The following RAC1 variants were observed in gnomAD, a reference collection of about 807,000 sequenced individuals.
The protein encoded by RAC1 is ras-related C3 botulinum toxin substrate 1.
RAC1 carries 2 observed loss-of-function variants against 25.2 expected under a neutral mutation model. That is an observed-to-expected ratio of 0.08 (90% confidence interval 0.03 to 0.25). The LOEUF (loss-of-function observed/expected upper bound fraction) is 0.25. RAC1 is among the 10% of genes least tolerant of loss of function. RAC1 has a pLI of 1.00. For missense variants in RAC1, 50 were observed against 235.7 expected, an observed-to-expected ratio of 0.21 and a Z score of 5.16; for synonymous variants, 88 against 94.0, an observed-to-expected ratio of 0.94 and a Z score of 0.37.
At chr7:6,377,077 AC>A (rs1280422172) in intron 1 of RAC1, among the ~76,000 whole-genome samples, 1 of 151,772 alleles carries the variant, frequency 6.6e-6, no homozygotes, top group Non-Finnish European at 1.5e-5. Flanking sequence ...GTTATTAACT[AC>A]CTCGCAGGTG....
intron 1 of RAC1, among the ~76,000 whole-genome samples, chr7:6,377,088 GCCCCT>G (rs1285919641): frequency 1.3e-5 from 2 of 151,972 alleles, no homozygotes; most frequent in Non-Finnish European, 2.9e-5. Context: ...CCTCGCAGGT[GCCCCT>G]TGCTGAATGC....
chr7:6,376,693 AT>A (rs1583255507), intron 1 of RAC1, among the ~76,000 whole-genome samples: 1 of 65,750 alleles, frequency 1.5e-5, no homozygotes. Flanking sequence ...TTTTTTTTGT[AT>A]TTTTTTGGTG....
At chr7:6,388,936 C>A (rs1183373810) in intron 2 of RAC1, among the ~76,000 whole-genome samples, 1 of 152,058 alleles carries the variant, frequency 6.6e-6, no homozygotes, top group Non-Finnish European at 1.5e-5. Flanking sequence ...CGTGATTGCT[C>A]ACGCCTGTAA....
chr7:6,397,788 G>A (rs1296022778), intron 3 of RAC1, among the ~76,000 whole-genome samples: 1 of 152,154 alleles, frequency 6.6e-6, no homozygotes, highest in African/African-American at 2.4e-5. Flanking sequence ...AAGAGTTTGA[G>A]ACCAGCCTGG....
chr7:6,395,187 A>G (rs185861727), intron 3 of RAC1, among the ~76,000 whole-genome samples: 2 of 152,190 alleles, frequency 1.3e-5, no homozygotes, highest in Admixed American at 1.3e-4. Flanking sequence ...GCTGGTCTCC[A>G]ACTCCTGACC....
At chr7:6,388,249 T>G (rs1318431349) in intron 2 of RAC1, among the ~76,000 whole-genome samples, 3 of 151,142 alleles carry the variant, frequency 2.0e-5, no homozygotes, top group Non-Finnish European at 4.4e-5. Flanking sequence ...AGGTGTCGCC[T>G]CCTCCCCACC....
chr7:6,379,665 C>T (rs919483905), intron 1 of RAC1, among the ~76,000 whole-genome samples: 24 of 152,360 alleles, frequency 1.6e-4, no homozygotes, highest in African/African-American at 5.8e-4. Flanking sequence ...CCGCCTTGGC[C>T]TCCCAAAGTG....
At chr7:6,374,835 G>T in intron 1 of RAC1, 65 bp downstream of exon 1, 1 of 1,056,666 alleles carries the variant, frequency 9.5e-7, no homozygotes, top group South Asian at 4.4e-5. Context: ...GTTGGGCCCG[G>T]ACTGGGGCCC....
At chr7:6,377,462 C>G (rs1301756516) in intron 1 of RAC1, among the ~76,000 whole-genome samples, 1 of 151,950 alleles carries the variant, frequency 6.6e-6, no homozygotes. Context: ...GGTGTAGACA[C>G]ATGTGCCTGT....
At chr7:6,401,242 C>A (rs1169307211) in intron 4 of RAC1, among the ~76,000 whole-genome samples, 2 of 152,206 alleles carry the variant, frequency 1.3e-5, no homozygotes, top group African/African-American at 4.8e-5. Flanking sequence ...AGGTGTGAGC[C>A]ACTATGCCCG....
At position 6,401,859 on chromosome 7, in the gene RAC1, C is replaced by T. The variant is rs373206025; in HGVS notation, c.289-9C>T. On this transcript the variant is annotated splice_polypyrimidine_tract_variant and intron_variant, in intron 4 of 5. Transcript: ENST00000348035. Reference sequence around the variant, plus strand: ...CGTGTCACAACCTCTGTTCCTTCTTCACATCTAGTGGTATCCTGAGGTGCG... The same window carrying T: ...CGTGTCACAACCTCTGTTCCTTCTTTACATCTAGTGGTATCCTGAGGTGCG... 1.2e-6 allele frequency: 2 copies of T among 1,608,992 alleles called. No individual in the cohort carries two copies. Among genetic ancestry groups the T allele is most frequent in the Non-Finnish European group, 1.7e-6 (2 of 1,177,310 alleles).
At chr7:6,375,461 A>G (rs1782556593) in intron 1 of RAC1, among the ~76,000 whole-genome samples, 1 of 151,920 alleles carries the variant, frequency 6.6e-6, no homozygotes, top group South Asian at 2.1e-4. Flanking sequence ...CCTGCGCTCA[A>G]GTGATTCTCC....
chr7:6,391,789 C>T, intron 2 of RAC1, 135 bp from the exon 3 acceptor site: 8 of 1,412,104 alleles, frequency 5.7e-6, no homozygotes, highest in Non-Finnish European at 7.6e-6. Flanking sequence ...CTCCTTGTGC[C>T]TGCAGGGACA....
chr7:6,376,486 A>ATTTT (rs544818669), intron 1 of RAC1, among the ~76,000 whole-genome samples: 2 of 122,900 alleles, frequency 1.6e-5, no homozygotes, highest in East Asian at 2.3e-4. Context: ...GCCCGGCCCA[A>ATTTT]TTTTTTTTTT....
chr7:6,402,514 A>AAAAAG lies in RAC1; in HGVS notation c.*72_*73insGAAAA. 1 of 1,054,186 alleles carries AAAAAG rather than the reference A, an allele frequency of 9.5e-7. No homozygotes were observed. Among genetic ancestry groups the AAAAAG allele is most frequent in the East Asian group, 5.4e-5 (1 of 18,554 alleles). 65.3% of individuals were successfully genotyped at this position (1,054,186 alleles called of 1,614,324 possible). On this transcript the variant is annotated 3_prime_UTR_variant, in exon 6 of 6. Transcript: ENST00000348035. ...TGTACGCTTTGCTCAAAAAAAAACA[A>AAAAAG]AAAAAAAAAACAAAAAAAAAAAACA...
chr7:6,391,869 G>T (rs1032239789), intron 2 of RAC1, 55 bp from the exon 3 acceptor site: 1 of 1,612,224 alleles, frequency 6.2e-7, no homozygotes, highest in East Asian at 2.2e-5. Flanking sequence ...AGGATGGCTG[G>T]GACAGTGACT....
chr7:6,377,998 C>G (rs1416725858), intron 1 of RAC1, among the ~76,000 whole-genome samples: 3 of 152,126 alleles, frequency 2.0e-5, no homozygotes, highest in African/African-American at 7.2e-5. Context: ...GGCTGTACGT[C>G]CCTCCATCCT....
At chr7:6,388,938 C>T (rs1386533381) in intron 2 of RAC1, among the ~76,000 whole-genome samples, 1 of 152,080 alleles carries the variant, frequency 6.6e-6, no homozygotes, top group African/African-American at 2.4e-5. Context: ...TGATTGCTCA[C>T]GCCTGTAATC....
At chr7:6,402,058 G>T (rs377255828) in intron 5 of RAC1, 31 bp downstream of exon 5, 14 of 1,601,882 alleles carry the variant, frequency 8.7e-6, no homozygotes, top group South Asian at 2.2e-5. Flanking sequence ...CCTCCTCCTT[G>T]TACCTCTTTT....
Sources: allele counts gnomAD v4.1 joint callset (sites outside exome capture counted in the v4.1 genomes callset), GRCh38; gene constraint gnomAD v4.1.1; transcripts MANE v1.5; gene names NCBI Gene and HGNC (gene_info 2026-07-23, HGNC 2026-07-21).